Variants in GALNT17 observed in about 807,000 individuals in gnomAD.
The protein encoded by GALNT17 is polypeptide N-acetylgalactosaminyltransferase 17.
GALNT17 carries 29 observed loss-of-function variants against 63.7 expected under a neutral mutation model. The ratio of observed to expected loss-of-function variants is 0.46; its 90% CI spans 0.34 to 0.62. The LOEUF (loss-of-function observed/expected upper bound fraction) is 0.62, where lower values mean the gene tolerates loss of function less well. Ranked by LOEUF, GALNT17 falls within the 20% of genes least tolerant of loss-of-function variation. GALNT17 has a pLI of 0.01. For synonymous variants in GALNT17, 305 were observed against 318.3 expected (o/e 0.96, Z 0.45); for missense variants, 603 against 799.6 (o/e 0.75, Z 2.97).
chr7:71,546,007 C>A (rs1388612602), intron 5 of GALNT17, among the ~76,000 whole-genome samples: 1 of 152,072 alleles, frequency 6.6e-6, no homozygotes, highest in African/African-American at 2.4e-5. Context: ...TGCCTGTAAT[C>A]CCAGTACTTT....
chr7:71,525,709 A>C (rs1788613081), intron 5 of GALNT17, among the ~76,000 whole-genome samples: 1 of 147,140 alleles, frequency 6.8e-6, no homozygotes, highest in African/African-American at 2.5e-5. Flanking sequence ...AAATTACTGA[A>C]ATTACTCAGT....
intron 3 of GALNT17, among the ~76,000 whole-genome samples, chr7:71,404,042 G>A (rs956141246): frequency 6.6e-6 from 1 of 152,166 alleles, no homozygotes; most frequent in Non-Finnish European, 1.5e-5. Flanking sequence ...CCTTTGATGG[G>A]GTAAGGTAGG....
At chr7:71,303,566 A>C (rs1791238249) in intron 1 of GALNT17, among the ~76,000 whole-genome samples, 1 of 152,064 alleles carries the variant, frequency 6.6e-6, no homozygotes, top group African/African-American at 2.4e-5. Flanking sequence ...CAAATACAAC[A>C]TTTTTCTGAC....
intron 6 of GALNT17, among the ~76,000 whole-genome samples, chr7:71,575,309 A>G (rs1012712688): frequency 2.4e-4 from 36 of 152,196 alleles, no homozygotes; most frequent in African/African-American, 8.4e-4. Context: ...ATTTACATAT[A>G]CAAGCTTACC....
In GALNT17 at chr7:71,314,209, A is replaced by G. The variant is rs143836792; in HGVS notation, c.239-21341A>G. ...TGGAGTGGAAAAGTTATAGTGGTTA[A>G]TTACTCCCCAAAACCAGAATATTGA... On this transcript the variant is annotated intron_variant, in intron 1 of 10. Coordinates refer to ENST00000333538, the MANE Select transcript of GALNT17 (RefSeq NM_022479.3). 2.6e-5 allele frequency among the ~76,000 whole-genome samples: 4 copies of G among 152,148 alleles called. No homozygotes were observed. The East Asian group carries it at 7.8e-4, about 29-fold the overall frequency.
At chr7:71,434,265 C>T (rs1162879860) in intron 5 of GALNT17, among the ~76,000 whole-genome samples, 1 of 152,174 alleles carries the variant, frequency 6.6e-6, no homozygotes, top group Non-Finnish European at 1.5e-5. Context: ...TTTATATATA[C>T]ATCTATCTTA....
chr7:71,583,740 C>A lies in GALNT17; in HGVS notation c.1080+12338C>A, dbSNP rs987614422. On this transcript the variant is annotated intron_variant, in intron 6 of 10. Transcript: ENST00000333538. ...ATGAACACACATGCACACACACACA[C>A]ACACACACACACACACACACCACAC... Among the ~76,000 whole-genome samples, 3 of 2,468 alleles carry A rather than the reference C, an allele frequency of 1.2e-3. No homozygotes were observed. The Non-Finnish European group carries it at 0.03, about 25-fold the overall frequency. The allele number at this position is 2,468 out of a possible 152,430, so 1.6% of individuals were successfully genotyped here. A position where few individuals can be genotyped will look rare whatever the true frequency, so the allele number is the denominator to read the frequency against.
rs376660432 is a variant in GALNT17 at position 71,133,086 on chromosome 7, G to T, written c.238+46G>T. 2.1e-3 allele frequency: 2,992 copies of T among 1,458,068 alleles called. 7 individuals are homozygous for T. Among genetic ancestry groups the T allele is most frequent in the Non-Finnish European group, 2.6e-3 (2,907 of 1,103,244 alleles). 90.3% of individuals were successfully genotyped at this position (1,458,068 alleles called of 1,614,324 possible). ...CTCCGGGGCTCGACGCGGGCGGGCC[G>T]GGCACAGGGTGAGCCCCAGGGTCCT... On this transcript the variant is annotated intron_variant, in intron 1 of 10. Coordinates refer to ENST00000333538, the MANE Select transcript of GALNT17 (RefSeq NM_022479.3).
intron 1 of GALNT17, among the ~76,000 whole-genome samples, chr7:71,318,639 A>G (rs1401409738): frequency 1.3e-5 from 2 of 151,952 alleles, no homozygotes; most frequent in East Asian, 3.9e-4. Flanking sequence ...CATGTTGGCC[A>G]GGATGGTCTC....
intron 1 of GALNT17, among the ~76,000 whole-genome samples, chr7:71,281,945 C>A (rs945758063): frequency 6.6e-6 from 1 of 152,134 alleles, no homozygotes; most frequent in African/African-American, 2.4e-5. Flanking sequence ...GGAAAAAATC[C>A]GATTCCCTCT....
intron 6 of GALNT17, among the ~76,000 whole-genome samples, chr7:71,640,970 C>A (rs183841569): frequency 3.3e-5 from 5 of 152,218 alleles, no homozygotes; most frequent in Admixed American, 2.6e-4. Flanking sequence ...AGTTAGATTC[C>A]CTAACTGTGA....
chr7:71,538,426 G>A (rs563639782), intron 5 of GALNT17, among the ~76,000 whole-genome samples: 174 of 152,194 alleles, frequency 1.1e-3, no homozygotes, highest in African/African-American at 4.1e-3. Flanking sequence ...ATGAGGGCAC[G>A]GAGAACTCCA....
chr7:71,284,166 T>C, intron 1 of GALNT17: 1 of 156,206 alleles, frequency 6.4e-6, no homozygotes, highest in Non-Finnish European at 1.4e-5. Context: ...GATGTAACAC[T>C]CATAACACTC....
intron 2 of GALNT17, among the ~76,000 whole-genome samples, chr7:71,367,556 A>C (rs1391521709): frequency 6.6e-6 from 1 of 150,668 alleles, no homozygotes; most frequent in Non-Finnish European, 1.5e-5. Context: ...CCTTTAACAG[A>C]TGGTTCCAGG....
intron 2 of GALNT17, among the ~76,000 whole-genome samples, chr7:71,350,619 G>A (rs1792173327): frequency 1.3e-5 from 2 of 152,098 alleles, no homozygotes; most frequent in African/African-American, 4.8e-5. Context: ...AAGTAATCTA[G>A]AGATTATTTA....
intron 1 of GALNT17, among the ~76,000 whole-genome samples, chr7:71,268,549 C>CAATAAATAAATAAATA (rs3061640): frequency 7.4e-6 from 1 of 135,238 alleles, no homozygotes; most frequent in African/African-American, 2.8e-5. Context: ...AGATCCATCT[C>CAATAAATAAATAAATA]AATAAATAAA....
Position 71,386,186 on chromosome 7 carries a change from C to T in GALNT17, c.423-2049C>T, listed in dbSNP as rs538683248. ...GCTGCTTGATCAATGCATCCCTGGA[C>T]GATCTTCTCCAGGAGACAAACACAT... is the stretch of plus-strand genomic sequence containing the variant. On this transcript the variant is annotated intron_variant, in intron 2 of 10. Transcript: ENST00000333538. Among the ~76,000 whole-genome samples the T allele has an allele frequency of 4.6e-5, 7 of 152,338 alleles. No individual in the cohort carries two copies. The South Asian group carries it at 1.0e-3, about 23-fold the overall frequency.
rs1373728655 is a variant in GALNT17, at chr7:71,680,667, CTTCCTTTCCTTTTGTTTCCT to C, written c.1500+3374_1500+3393del. ...CCCTCTCTCCCTCCTTCCTTCCTTTCTTCCTTTCCTTTTGTTTCCTTTCCTTTCCTTTCTTTTCCTTCCTT... is the reference window on the plus strand; with the variant it reads ...CCCTCTCTCCCTCCTTCCTTCCTTTCTTCCTTTCCTTTCTTTTCCTTCCTT... On this transcript the variant is annotated intron_variant, in intron 9 of 10. Transcript: ENST00000333538. Among the ~76,000 whole-genome samples the C allele has an allele frequency of 3.2e-3, 76 of 23,860 alleles. 1 individual carries two copies. The highest frequency in any genetic ancestry group is 0.011 in the African/African-American group (76 of 7,032). 15.7% of individuals were successfully genotyped at this position (23,860 alleles called of 152,430 possible). A position where few individuals can be genotyped will look rare whatever the true frequency, so the allele number is the denominator to read the frequency against.
chr7:71,326,539 T>C (rs1791708466), intron 1 of GALNT17, among the ~76,000 whole-genome samples: 1 of 152,200 alleles, frequency 6.6e-6, no homozygotes, highest in Non-Finnish European at 1.5e-5. Flanking sequence ...CTCAAAGACG[T>C]GTTCTTCTCT....
Sources: allele counts gnomAD v4.1 joint callset (sites outside exome capture counted in the v4.1 genomes callset), GRCh38; gene constraint gnomAD v4.1.1; transcripts MANE v1.5; gene names NCBI Gene and HGNC (gene_info 2026-07-23, HGNC 2026-07-21).